Variants in ATRX observed in about 807,000 individuals in gnomAD.
ATRX encodes the protein ATRX chromatin remodeler.
In ATRX, 12 loss-of-function variants were observed where a neutral mutation model predicts 172.6. That is an observed-to-expected ratio of 0.07 (90% CI 0.04 to 0.11). ATRX has a LOEUF of 0.11. Among genes scored for constraint, ATRX ranks in the 10% least tolerant of loss-of-function variants. The probability of loss-of-function intolerance (pLI) is 1.00; values close to 1 mark genes in which losing one functional copy is unlikely to be tolerated. For missense variants in ATRX, 1,368 were observed against 1,767.4 expected, an observed-to-expected ratio of 0.77 and a Z score of 4.05; for synonymous variants, 674 against 594.7, an observed-to-expected ratio of 1.13 and a Z score of -1.94.
At chrX:77,638,279 T>C (rs868968684) in intron 15 of ATRX, among the ~76,000 whole-genome samples, 2 of 112,017 alleles carry the variant, frequency 1.8e-5, no homozygotes, top group Non-Finnish European at 3.8e-5. Flanking sequence ...CTGGTCAATA[T>C]GGTGAAATCC....
chrX:77,665,667 T>C (rs2070195788), intron 10 of ATRX, among the ~76,000 whole-genome samples: 1 of 112,269 alleles, frequency 8.9e-6, no homozygotes, highest in Non-Finnish European at 1.9e-5. Context: ...AAATGTAAGA[T>C]TAAAGCAATC....
intron 28 of ATRX, among the ~76,000 whole-genome samples, chrX:77,559,452 T>C (rs2064933419): frequency 2.1e-4 from 2 of 9,303 alleles, no homozygotes; most frequent in Admixed American, 2.7e-3. Context: ...TCTTTCCCTT[T>C]TTTTTTTTTT....
At chrX:77,589,716 T>G in intron 27 of ATRX, 118 bp downstream of exon 27, 1 of 585,100 alleles carries the variant, frequency 1.7e-6, no homozygotes, top group Non-Finnish European at 2.7e-6. Flanking sequence ...GCAAAAAAAT[T>G]TTGATATGAT....
chrX:77,693,027 C>A (rs1170379105), intron 6 of ATRX, among the ~76,000 whole-genome samples: 1 of 110,928 alleles, frequency 9.0e-6, no homozygotes, highest in East Asian at 2.8e-4. Flanking sequence ...GCTAGGACTA[C>A]AGGCATGCGC....
chrX:77,722,912 C>T (rs1557170073), intron 1 of ATRX, among the ~76,000 whole-genome samples: 1 of 111,955 alleles, frequency 8.9e-6, no homozygotes, highest in Admixed American at 9.5e-5. Flanking sequence ...CAGCACTATT[C>T]ACAATAGCAA....
At chrX:77,710,230 C>T (rs781877474) in intron 2 of ATRX, among the ~76,000 whole-genome samples, 3 of 106,458 alleles carry the variant, frequency 2.8e-5, no homozygotes, top group South Asian at 4.4e-4. Flanking sequence ...ACCTGGGAGG[C>T]GGAGGTTGCA....
At chrX:77,660,431 G>A (rs1349120525) in intron 12 of ATRX, among the ~76,000 whole-genome samples, 1 of 109,572 alleles carries the variant, frequency 9.1e-6, no homozygotes, top group African/African-American at 3.3e-5. Flanking sequence ...CGGGCATGGT[G>A]GTGGGCGCCT....
At chrX:77,726,828 T>TAA (rs372578584) in intron 1 of ATRX, among the ~76,000 whole-genome samples, 2 of 99,318 alleles carry the variant, frequency 2.0e-5, no homozygotes, top group Admixed American at 1.1e-4. Context: ...TAATGTCACT[T>TAA]AAAAAAAAAA....
Position 77,530,984 on chromosome X carries a change from C to T in ATRX, c.6700-7583G>A, listed in dbSNP as rs571815120. Among the ~76,000 whole-genome samples the T allele has an allele frequency of 1.7e-4, 19 of 112,078 alleles. No homozygotes were observed. The Middle Eastern group carries it at 0.014, about 81-fold the overall frequency. On this transcript the variant is annotated intron_variant, in intron 30 of 34. Coordinates refer to ENST00000373344, the MANE Select transcript of ATRX (RefSeq NM_000489.6). Reference sequence around the variant, plus strand: ...CTGACCCCACAGAAATGCAAACAACCGTCAGAGAATAATATAAATACCTCT... The same window carrying T: ...CTGACCCCACAGAAATGCAAACAACTGTCAGAGAATAATATAAATACCTCT...
intron 27 of ATRX, among the ~76,000 whole-genome samples, chrX:77,574,884 G>GTGTGTA (rs2065554201): frequency 9.1e-6 from 1 of 109,985 alleles, no homozygotes; most frequent in Admixed American, 9.7e-5. Flanking sequence ...AATGTGGTGT[G>GTGTGTA]TGTGTATGTG....
intron 23 of ATRX, among the ~76,000 whole-genome samples, chrX:77,600,142 TG>T (rs1209153079): frequency 2.7e-5 from 3 of 112,105 alleles, no homozygotes; most frequent in Admixed American, 1.9e-4. Context: ...TGCAACATGC[TG>T]ATATTAGAAG....
intron 6 of ATRX, among the ~76,000 whole-genome samples, chrX:77,692,717 A>C (rs978159680): frequency 2.7e-5 from 3 of 111,615 alleles, no homozygotes; most frequent in Admixed American, 9.5e-5. Context: ...TGGCTTTATT[A>C]AGCTGCCCCA....
At chrX:77,655,423 GA>G (rs1195882932) in intron 13 of ATRX, among the ~76,000 whole-genome samples, 4 of 108,309 alleles carry the variant, frequency 3.7e-5, no homozygotes, top group African/African-American at 1.0e-4. Flanking sequence ...TATGCTAAGT[GA>G]AAAAAAAATC....
At chrX:77,619,800 A>T (rs1557098902) in intron 20 of ATRX, among the ~76,000 whole-genome samples, 2 of 112,213 alleles carry the variant, frequency 1.8e-5, no homozygotes, top group African/African-American at 6.5e-5. Flanking sequence ...AAAAGAAAAA[A>T]AGTGAGAGAT....
At chrX:77,710,310 A>C (rs2073050300) in intron 2 of ATRX, among the ~76,000 whole-genome samples, 1 of 109,992 alleles carries the variant, frequency 9.1e-6, no homozygotes, top group African/African-American at 3.3e-5. Context: ...ATAAAAAAAA[A>C]AAAAAAACAA....
chrX:77,614,949 G>A (rs2067296128), intron 22 of ATRX, among the ~76,000 whole-genome samples: 1 of 111,346 alleles, frequency 9.0e-6, no homozygotes, highest in Admixed American at 9.6e-5. Flanking sequence ...CAAAAGAGTA[G>A]AGCTTAACAT....
chrX:77,766,543 G>A (rs1467988916), intron 1 of ATRX, among the ~76,000 whole-genome samples: 1 of 109,160 alleles, frequency 9.2e-6, no homozygotes, highest in Non-Finnish European at 1.9e-5. Context: ...CTCCCAGACG[G>A]GGTCGCAGCC....
At chrX:77,717,997 T>C (rs1557166403) in intron 1 of ATRX, among the ~76,000 whole-genome samples, 1 of 111,456 alleles carries the variant, frequency 9.0e-6, no homozygotes, top group East Asian at 2.8e-4. Context: ...CATATTATCA[T>C]TAGGCACCTA....
chrX:77,565,363 A>G (rs2147982250), intron 28 of ATRX, among the ~76,000 whole-genome samples: 1 of 112,351 alleles, frequency 8.9e-6, no homozygotes, highest in South Asian at 3.7e-4. Context: ...CATAATAAGA[A>G]CCAGAAAAAT....
Sources: allele counts gnomAD v4.1 joint callset (sites outside exome capture counted in the v4.1 genomes callset), GRCh38; gene constraint gnomAD v4.1.1; transcripts MANE v1.5; gene names NCBI Gene and HGNC (gene_info 2026-07-23, HGNC 2026-07-21).